CACNA2D3: variants seen among roughly 807,000 people sequenced by gnomAD.
CACNA2D3 encodes calcium voltage-gated channel auxiliary subunit alpha2delta 3, also known as voltage-dependent calcium channel subunit alpha-2/delta-3.
A neutral mutation model predicts 160.6 loss-of-function variants in CACNA2D3; 60 were observed. That is an observed-to-expected ratio of 0.37 (90% CI 0.30 to 0.46). The LOEUF (loss-of-function observed/expected upper bound fraction) is 0.46, where lower values mean the gene tolerates loss of function less well. Among genes scored for constraint, CACNA2D3 ranks in the 20% least tolerant of loss-of-function variants. The pLI is 1.00. For missense variants in CACNA2D3, 1,205 were observed against 1,365.0 expected, an observed-to-expected ratio of 0.88 and a Z score of 1.85; for synonymous variants, 558 against 492.9, an observed-to-expected ratio of 1.13 and a Z score of -1.75.
intron 11 of CACNA2D3, among the ~76,000 whole-genome samples, chr3:54,651,749 C>T (rs1271625913): frequency 6.6e-6 from 1 of 152,102 alleles, no homozygotes; most frequent in African/African-American, 2.4e-5. Flanking sequence ...CCCCAGTGGC[C>T]TCCGGGGTGC....
intron 35 of CACNA2D3, among the ~76,000 whole-genome samples, chr3:55,041,908 T>C (rs1186657990): frequency 6.6e-6 from 1 of 152,142 alleles, no homozygotes; most frequent in African/African-American, 2.4e-5. Flanking sequence ...TCTTTTGGCA[T>C]GTGTTATTTA....
intron 11 of CACNA2D3, among the ~76,000 whole-genome samples, chr3:54,727,660 G>A (rs531522853): frequency 1.3e-4 from 20 of 152,260 alleles, no homozygotes. Context: ...CACAAAAACA[G>A]AAAGCCAAAC....
chr3:54,124,440 A>G (rs1699546038), intron 2 of CACNA2D3, among the ~76,000 whole-genome samples: 1 of 152,240 alleles, frequency 6.6e-6, no homozygotes, highest in African/African-American at 2.4e-5. Flanking sequence ...AGGATTAATC[A>G]AAGTATTCTC....
At chr3:54,455,650 G>T (rs1700385367) in intron 4 of CACNA2D3, among the ~76,000 whole-genome samples, 1 of 152,034 alleles carries the variant, frequency 6.6e-6, no homozygotes, top group Admixed American at 6.6e-5. Context: ...ATCTTTGCCA[G>T]ATCAATGTCC....
rs1252282583 is a variant in CACNA2D3 at position 54,412,834 on chromosome 3, G to A, written c.381+26060G>A. Among the ~76,000 whole-genome samples, 4 of 150,934 alleles carry A rather than the reference G, an allele frequency of 2.7e-5. No homozygotes were observed. In the East Asian group the frequency reaches 5.8e-4, roughly 22 times the overall value. ...GTCTTTAAATCTACCTTAATTTTTG[G>A]TATTATCATTTATCTTTTATATATG... On this transcript the variant is annotated intron_variant, in intron 4 of 37. Coordinates refer to ENST00000474759, the MANE Select transcript of CACNA2D3 (RefSeq NM_018398.3).
At chr3:54,931,684 C>G (rs1360867064) in intron 27 of CACNA2D3, among the ~76,000 whole-genome samples, 1 of 152,188 alleles carries the variant, frequency 6.6e-6, no homozygotes, top group Non-Finnish European at 1.5e-5. Context: ...TATATTCACA[C>G]TGAGATTTCA....
chr3:54,581,901 T>C, intron 9 of CACNA2D3, 24 bp downstream of exon 9: 1 of 1,599,582 alleles, frequency 6.3e-7, no homozygotes, highest in Non-Finnish European at 8.6e-7. Flanking sequence ...GGGGGAGCAT[T>C]CCAGTCATGG....
chr3:54,283,995 G>A (rs1702948356), intron 2 of CACNA2D3, among the ~76,000 whole-genome samples: 1 of 152,138 alleles, frequency 6.6e-6, no homozygotes, highest in African/African-American at 2.4e-5. Flanking sequence ...ACAGGAGAAG[G>A]AGGTTGCATT....
At position 54,880,953 on chromosome 3, in the gene CACNA2D3, G is replaced by C. The variant is rs1032033528; in HGVS notation, c.1912+90G>C. ...AGTTAGCTGAAGAACTTGTTCATCTGTCCGCACCTGTGACCAGTCCCTTGG... is the reference window on the plus strand; with the variant it reads ...AGTTAGCTGAAGAACTTGTTCATCTCTCCGCACCTGTGACCAGTCCCTTGG... On this transcript the variant is annotated intron_variant, in intron 21 of 37. Coordinates refer to ENST00000474759, the MANE Select transcript of CACNA2D3 (RefSeq NM_018398.3). 6.8e-5 allele frequency: 72 copies of C among 1,058,930 alleles called. No individual in the cohort carries two copies. In the Admixed American group the frequency reaches 1.2e-3, roughly 18 times the overall value. The allele number at this position is 1,058,930 out of a possible 1,614,324, so 65.6% of individuals were successfully genotyped here.
At position 54,639,958 on chromosome 3, in the gene CACNA2D3, G is replaced by A. The variant is rs148832154; in HGVS notation, c.1054-2170G>A. ...CTCTGGCGGGTAGGAGCGGGGGGTC[G>A]CAAGGTGCTCAGTGGGGGTGCTTTT... On this transcript the variant is annotated intron_variant, in intron 10 of 37. Coordinates refer to ENST00000474759, the MANE Select transcript of CACNA2D3 (RefSeq NM_018398.3). The A allele has an allele frequency of 4.4e-3, 684 of 154,160 alleles. 7 individuals carry two copies. Among genetic ancestry groups the A allele is most frequent in the African/African-American group, 0.015 (641 of 41,502 alleles). 9.5% of individuals were successfully genotyped at this position (154,160 alleles called of 1,614,324 possible).
chr3:54,261,387 T>C (rs1417596388), intron 2 of CACNA2D3, among the ~76,000 whole-genome samples: 1 of 152,216 alleles, frequency 6.6e-6, no homozygotes, highest in Non-Finnish European at 1.5e-5. Context: ...TTTGTCATTA[T>C]GTGTTTACTA....
intron 11 of CACNA2D3, among the ~76,000 whole-genome samples, chr3:54,657,926 G>A (rs1324509295): frequency 6.6e-6 from 1 of 152,192 alleles, no homozygotes; most frequent in East Asian, 1.9e-4. Flanking sequence ...CTACTCAGGA[G>A]ACTCAAGCGG....
rs1575515232 is a variant in CACNA2D3, at chr3:54,546,425, G to A, written c.545-16375G>A. ...ACATAATTACAGTAGAAATGCTTAA[G>A]TAGCCTCTACCTAAGCAACTTAGTA... On this transcript the variant is annotated intron_variant, in intron 5 of 37. Transcript: ENST00000474759. Among the ~76,000 whole-genome samples the A allele has an allele frequency of 2.0e-5, 3 of 152,234 alleles. No individual in the cohort carries two copies. In the East Asian group the frequency reaches 5.8e-4, roughly 29 times the overall value.
chr3:55,036,746 G>A (rs185289655), intron 35 of CACNA2D3, among the ~76,000 whole-genome samples: 50 of 152,234 alleles, frequency 3.3e-4, no homozygotes, highest in African/African-American at 1.1e-3. Context: ...GATTACAGGC[G>A]TGAGCCACTG....
chr3:54,890,312 C>A (rs1357476360), intron 24 of CACNA2D3, among the ~76,000 whole-genome samples: 1 of 151,878 alleles, frequency 6.6e-6, no homozygotes, highest in African/African-American at 2.4e-5. Flanking sequence ...CTGGCTAACA[C>A]AGTGAAACGC....
chr3:54,488,671 C>T (rs1701057625), intron 4 of CACNA2D3, among the ~76,000 whole-genome samples: 1 of 152,146 alleles, frequency 6.6e-6, no homozygotes, highest in African/African-American at 2.4e-5. Context: ...TCTTCGCATT[C>T]CTTCAACAGT....
At chr3:54,129,387 A>C (rs1699661343) in intron 2 of CACNA2D3, among the ~76,000 whole-genome samples, 1 of 152,216 alleles carries the variant, frequency 6.6e-6, no homozygotes, top group Non-Finnish European at 1.5e-5. Flanking sequence ...ATTTGCTTTG[A>C]ACAACACTCA....
intron 3 of CACNA2D3, among the ~76,000 whole-genome samples, chr3:54,366,371 C>T (rs551631900): frequency 6.6e-6 from 1 of 152,224 alleles, no homozygotes; most frequent in Non-Finnish European, 1.5e-5. Flanking sequence ...TTACTCTACA[C>T]TTCATCTAGA....
At chr3:54,596,846 T>A (rs957311929) in intron 9 of CACNA2D3, among the ~76,000 whole-genome samples, 4 of 152,122 alleles carry the variant, frequency 2.6e-5, no homozygotes, top group Non-Finnish European at 4.4e-5. Flanking sequence ...TTTCCCATTT[T>A]CTGATCTCAG....
Sources: gnomAD v4.1 joint callset for allele counts (sites outside exome capture counted in the v4.1 genomes callset) on GRCh38, gnomAD v4.1.1 for gene constraint, MANE v1.5 for transcripts, NCBI Gene and HGNC (gene_info 2026-07-23, HGNC 2026-07-21) for gene names.